The following RAB27A variants were observed in gnomAD, a reference collection of about 807,000 sequenced individuals.
The protein encoded by RAB27A is RAB27A, member RAS oncogene family.
RAB27A carries 17 observed loss-of-function variants against 20.8 expected under a neutral mutation model. That is an observed-to-expected ratio of 0.82 (90% CI 0.56 to 1.23). The LOEUF (loss-of-function observed/expected upper bound fraction) is 1.23. Ranked by LOEUF, RAB27A falls within the 50% of genes most tolerant of loss-of-function variation. The pLI is 0.00. For missense variants in RAB27A, 277 were observed against 266.7 expected, an observed-to-expected ratio of 1.04 and a Z score of -0.27; for synonymous variants, 85 against 92.8, an observed-to-expected ratio of 0.92 and a Z score of 0.48.
chr15:55,228,671 C>A lies in RAB27A; in HGVS notation c.281G>T (p.Gly94Val). 1 of 1,613,794 alleles carries A rather than the reference C, an allele frequency of 6.2e-7. No homozygotes were observed. The highest frequency in any genetic ancestry group is 8.5e-7 in the Non-Finnish European group (1 of 1,179,766). Residue 94 changes from glycine to valine, a missense_variant, in exon 5 of 7, where the codon GGT (glycine) becomes GTT (valine). Physicochemically the swap from Gly to Val is moderately radical, Grantham distance 109. Transcript: ENST00000336787. The part of the protein sequence containing the change: ...LTTAFFRDAM[G>V]FLLLFDLTNE... ...TGTCAGATCAAAAAGTAGAAGAAAA[C>A]CCATAGCATCTCTGAAGAACGCTGT... is the stretch of plus-strand genomic sequence containing the variant.
intron 2 of RAB27A, among the ~76,000 whole-genome samples, chr15:55,252,127 G>A (rs1407902922): frequency 6.6e-6 from 1 of 152,130 alleles, no homozygotes; most frequent in Admixed American, 6.6e-5. Flanking sequence ...GAGTCTTGGA[G>A]GTCAGCATTC....
chr15:55,274,573 T>A (rs1481357070), intron 1 of RAB27A, among the ~76,000 whole-genome samples: 1 of 150,262 alleles, frequency 6.7e-6, no homozygotes, highest in Non-Finnish European at 1.5e-5. Context: ...AGGTCAGGAG[T>A]TTGAGACCAG....
intron 2 of RAB27A, among the ~76,000 whole-genome samples, chr15:55,308,182 A>C (rs925975938): frequency 1.3e-5 from 2 of 151,594 alleles, no homozygotes; most frequent in African/African-American, 4.9e-5. Context: ...GTTCCCTTCT[A>C]TTTCCCTTTC....
intron 2 of RAB27A, among the ~76,000 whole-genome samples, chr15:55,311,905 T>A (rs1243568630): frequency 6.6e-6 from 1 of 152,150 alleles, no homozygotes; most frequent in South Asian, 2.1e-4. Context: ...CTCCCAGAGC[T>A]CCCGATAGTG....
intron 1 of RAB27A, chr15:55,288,709 T>C (rs1248318210): frequency 6.6e-6 from 1 of 151,708 alleles, no homozygotes; most frequent in East Asian, 1.9e-4. Context: ...CAGAAAATAA[T>C]GATCCTCAGT....
chr15:55,298,001 G>C (rs1479126309), intron 2 of RAB27A, among the ~76,000 whole-genome samples: 2 of 151,920 alleles, frequency 1.3e-5, no homozygotes, highest in Non-Finnish European at 2.9e-5. Context: ...AGGAGATCGA[G>C]ACCGTCCTGG....
chr15:55,264,525 A>G (rs1191736989), intron 2 of RAB27A, among the ~76,000 whole-genome samples: 1 of 152,228 alleles, frequency 6.6e-6, no homozygotes, highest in Non-Finnish European at 1.5e-5. Flanking sequence ...TATCAAAATT[A>G]CGAAGCATAG....
intron 2 of RAB27A, among the ~76,000 whole-genome samples, chr15:55,241,614 A>G (rs1007490503): frequency 3.0e-5 from 4 of 132,840 alleles, no homozygotes; most frequent in African/African-American, 1.5e-4. Context: ...ATATATATAT[A>G]TATATATATA....
chr15:55,309,606 C>T lies in RAB27A; in HGVS notation c.-112+4433G>A, dbSNP rs761620135. Among the ~76,000 whole-genome samples, 54 of 152,026 alleles carry T rather than the reference C, an allele frequency of 3.6e-4. 1 individual carries two copies. The highest frequency in any genetic ancestry group is 3.2e-3 in the Middle Eastern group (1 of 316). On this transcript the variant is annotated intron_variant, in intron 2 of 5. Coordinates refer to the RAB27A transcript ENST00000563262. ...TGAGATGTTGGGTTCAAAGGATCTTCAAAGGCAAACAAGAATTGAGAGTCA... is the reference window on the plus strand; with the variant it reads ...TGAGATGTTGGGTTCAAAGGATCTTTAAAGGCAAACAAGAATTGAGAGTCA...
intron 2 of RAB27A, among the ~76,000 whole-genome samples, chr15:55,300,248 A>C (rs2054966376): frequency 6.6e-6 from 1 of 152,178 alleles, no homozygotes; most frequent in Admixed American, 6.6e-5. Context: ...GAAAATTATA[A>C]TATGCTTGCG....
chr15:55,300,836 T>G (rs2054968788), intron 2 of RAB27A, among the ~76,000 whole-genome samples: 1 of 148,222 alleles, frequency 6.7e-6, no homozygotes, highest in East Asian at 2.1e-4. Context: ...TTTACTGATC[T>G]AAGTCATTTC....
At chr15:55,317,874 A>G (rs1015531233) in intron 1 of RAB27A, 9 of 393,062 alleles carry the variant, frequency 2.3e-5, no homozygotes, top group African/African-American at 1.9e-4. Context: ...AAATCTGCAT[A>G]CAAAAATGGA....
At chr15:55,228,863 C>T in intron 4 of RAB27A, 151 bp from the exon 5 acceptor site, 2 of 688,116 alleles carry the variant, frequency 2.9e-6, no homozygotes, top group South Asian at 3.2e-5. Context: ...TTATTTATCA[C>T]TTATATCAGT....
chr15:55,206,272 A>G, intron 6 of RAB27A: 1 of 725,992 alleles, frequency 1.4e-6, no homozygotes, highest in Non-Finnish European at 1.7e-6. Context: ...ATACTGATTT[A>G]CTGTAAAAAA....
upstream of RAB27A, among the ~76,000 whole-genome samples, chr15:55,292,331 C>G (rs1271278253): frequency 6.6e-6 from 1 of 152,210 alleles, no homozygotes; most frequent in Non-Finnish European, 1.5e-5. Context: ...AGCGATTAAG[C>G]AGTCTGACCA....
At chr15:55,253,843 G>T (rs1049243765) in intron 2 of RAB27A, among the ~76,000 whole-genome samples, 1 of 152,016 alleles carries the variant, frequency 6.6e-6, no homozygotes, top group Non-Finnish European at 1.5e-5. Context: ...AGAGAACAAC[G>T]CAAGAGGATA....
At chr15:55,299,144 A>T (rs2054961241) in intron 2 of RAB27A, among the ~76,000 whole-genome samples, 1 of 152,260 alleles carries the variant, frequency 6.6e-6, no homozygotes, top group African/African-American at 2.4e-5. Context: ...AGTGTCCATG[A>T]AATTGTCACA....
At chr15:55,274,637 G>A (rs2141106715) in intron 1 of RAB27A, among the ~76,000 whole-genome samples, 1 of 151,292 alleles carries the variant, frequency 6.6e-6, no homozygotes, top group Non-Finnish European at 1.5e-5. Context: ...AATTAGCCAG[G>A]CGTGGTGGCA....
At chr15:55,214,136 G>T (rs1489747314) in intron 6 of RAB27A, among the ~76,000 whole-genome samples, 1 of 152,210 alleles carries the variant, frequency 6.6e-6, no homozygotes, top group Non-Finnish European at 1.5e-5. Flanking sequence ...TTTTAGCACA[G>T]CTATTAAAAA....
Sources: gnomAD v4.1 joint callset for allele counts (sites outside exome capture counted in the v4.1 genomes callset) on GRCh38, gnomAD v4.1.1 for gene constraint, MANE v1.5 for transcripts, NCBI Gene and HGNC (gene_info 2026-07-23, HGNC 2026-07-21) for gene names.